PRKN: variants seen among roughly 807,000 people sequenced by gnomAD.
PRKN encodes E3 ubiquitin-protein ligase parkin.
PRKN carries 56 observed loss-of-function variants against 59.5 expected under a neutral mutation model. The ratio of observed to expected loss-of-function variants is 0.94; its 90% CI spans 0.76 to 1.18. The LOEUF is 1.18. Among genes scored for constraint, PRKN ranks in the 50% most tolerant of loss-of-function variants. The pLI is 0.00. For synonymous variants in PRKN, 250 were observed against 222.1 expected, an observed-to-expected ratio of 1.13 and a Z score of -1.12; for missense variants, 657 against 596.4, an observed-to-expected ratio of 1.10 and a Z score of -1.06.
At chr6:162,049,744 TTA>T (rs1297472928) in intron 5 of PRKN, among the ~76,000 whole-genome samples, 24 of 152,176 alleles carry the variant, frequency 1.6e-4, no homozygotes, top group Admixed American at 1.0e-3. Context: ...TAACAGATTT[TTA>T]GAGTTATATT....
chr6:162,480,349 G>A (rs1792244174), intron 1 of PRKN, among the ~76,000 whole-genome samples: 1 of 152,142 alleles, frequency 6.6e-6, no homozygotes, highest in Non-Finnish European at 1.5e-5. Context: ...TAACTGAAAT[G>A]TCATGGGGCA....
chr6:162,715,872 C>T (rs992289159), intron 1 of PRKN, among the ~76,000 whole-genome samples: 3 of 152,200 alleles, frequency 2.0e-5, no homozygotes, highest in African/African-American at 7.2e-5. Context: ...TTCAAACGCG[C>T]TTTCTTTCTT....
chr6:161,761,914 G>A (rs1789218030), intron 7 of PRKN, among the ~76,000 whole-genome samples: 1 of 152,224 alleles, frequency 6.6e-6, no homozygotes, highest in Non-Finnish European at 1.5e-5. Flanking sequence ...ATTCCAGAAT[G>A]GAACAGGACA....
At chr6:162,050,790 G>A (rs1372759502) in intron 5 of PRKN, among the ~76,000 whole-genome samples, 2 of 152,060 alleles carry the variant, frequency 1.3e-5, no homozygotes, top group African/African-American at 2.4e-5. Flanking sequence ...CTTTGAACTC[G>A]AGCCCTCGCT....
intron 7 of PRKN, among the ~76,000 whole-genome samples, chr6:161,570,347 A>T (rs1780842286): frequency 6.8e-6 from 1 of 147,276 alleles, no homozygotes; most frequent in South Asian, 2.1e-4. Context: ...ATATATATTT[A>T]TATATAATAA....
In PRKN at chr6:161,533,799, G is replaced by A. The variant is rs562044466; in HGVS notation, c.1083+15055C>T. 1.3e-5 allele frequency among the ~76,000 whole-genome samples: 2 copies of A among 151,438 alleles called. No individual in the cohort carries two copies. The highest frequency in any genetic ancestry group is 4.8e-5 in the African/African-American group (2 of 41,374). On this transcript the variant is annotated intron_variant, in intron 9 of 11. Transcript: ENST00000366898. The surrounding 1 kb of genome is among the most constrained non-coding windows in gnomAD (Gnocchi z 4.1). The stretch of plus-strand genomic sequence containing the variant: ...ACTTTCCACTCCTTAACCCACCCAC[G>A]TGTCTGTGTACTTAATTTTCTTGGC...
chr6:162,122,317 A>G (rs6940203), intron 4 of PRKN, among the ~76,000 whole-genome samples: 18,491 of 152,232 alleles, frequency 0.12, 1,560 homozygotes, highest in African/African-American at 0.24. Flanking sequence ...AGTGCTCAGC[A>G]TGGAACAGGG....
chr6:162,434,771 C>G (rs1197809231), intron 2 of PRKN, among the ~76,000 whole-genome samples: 1 of 152,126 alleles, frequency 6.6e-6, no homozygotes, highest in Non-Finnish European at 1.5e-5. Context: ...AATGAAGGAG[C>G]ACACATACTC....
chr6:162,185,742 C>T (rs967917050), intron 4 of PRKN, among the ~76,000 whole-genome samples: 5 of 152,064 alleles, frequency 3.3e-5, no homozygotes, highest in African/African-American at 1.2e-4. Flanking sequence ...GATGTGTCAG[C>T]GGCATCCATG....
chr6:162,491,237 T>C (rs1216576580), intron 1 of PRKN, among the ~76,000 whole-genome samples: 3 of 142,144 alleles, frequency 2.1e-5, no homozygotes, highest in East Asian at 2.1e-4. Context: ...ACCACTGCAC[T>C]CCAGCCTGGG....
rs534561474 is a variant in PRKN, at chr6:162,096,147, T to C, written c.535-41973A>G. Among the ~76,000 whole-genome samples the C allele has an allele frequency of 4.0e-5, 6 of 151,660 alleles. No individual in the cohort carries two copies. The South Asian group carries it at 1.3e-3, about 32-fold the overall frequency. On this transcript the variant is annotated intron_variant, in intron 4 of 11. Coordinates refer to ENST00000366898, the MANE Select transcript of PRKN (RefSeq NM_004562.3). ...ATCTACACATGTGTAGATTGTAAGA[T>C]TGGTGCTTCTGGAGCATTAATAACA...
intron 2 of PRKN, among the ~76,000 whole-genome samples, chr6:162,365,501 C>T (rs909105129): frequency 4.6e-5 from 7 of 152,116 alleles, no homozygotes; most frequent in East Asian, 3.9e-4. Flanking sequence ...TGGACTCTTA[C>T]GTGATTTACT....
intron 10 of PRKN, among the ~76,000 whole-genome samples, chr6:161,370,615 G>A (rs1440473093): frequency 4.6e-5 from 5 of 109,018 alleles, no homozygotes; most frequent in South Asian, 2.5e-4. Context: ...AAAAAAAGCC[G>A]AATTAGCGCC....
In PRKN at chr6:161,525,012, A is replaced by G. The variant is rs1202473102; in HGVS notation, c.1083+23842T>C. 6.6e-6 allele frequency among the ~76,000 whole-genome samples: 1 copy of G among 152,156 alleles called. No homozygotes were observed. The highest frequency in any genetic ancestry group is 2.1e-4 in the South Asian group (1 of 4,830). ...TCTTACATCTTTTACACATTTCAAA[A>G]CATCAAATATGTTTGTTGTAGCTTG... On this transcript the variant is annotated intron_variant, in intron 9 of 11. Transcript: ENST00000366898. This position sits in a 1 kb window ranked among gnomAD's most constrained non-coding sequence, Gnocchi z 4.7.
intron 3 of PRKN, among the ~76,000 whole-genome samples, chr6:162,245,746 G>A (rs1779169022): frequency 6.6e-6 from 1 of 152,080 alleles, no homozygotes; most frequent in Non-Finnish European, 1.5e-5. Flanking sequence ...TTTGCTTGGA[G>A]CACAGACTCA....
chr6:161,978,684 C>A (rs1362575117), intron 5 of PRKN, among the ~76,000 whole-genome samples: 1 of 152,270 alleles, frequency 6.6e-6, no homozygotes, highest in Non-Finnish European at 1.5e-5. Flanking sequence ...GGCACCACTG[C>A]ACCACTGTGA....
At chr6:162,179,592 G>C (rs1364884303) in intron 4 of PRKN, among the ~76,000 whole-genome samples, 1 of 152,132 alleles carries the variant, frequency 6.6e-6, no homozygotes, top group Non-Finnish European at 1.5e-5. Context: ...TTCTGGAAAA[G>C]GTCTAAAAGT....
chr6:162,227,378 C>CT (rs549010994), intron 3 of PRKN, among the ~76,000 whole-genome samples: 7 of 151,760 alleles, frequency 4.6e-5, no homozygotes, highest in Middle Eastern at 3.4e-3. Context: ...AATTTAGCTA[C>CT]TTTTTTTTTC....
chr6:162,674,375 A>C (rs1450868967), intron 1 of PRKN, among the ~76,000 whole-genome samples: 1 of 152,114 alleles, frequency 6.6e-6, no homozygotes, highest in African/African-American at 2.4e-5. Context: ...TGGATTACTG[A>C]GGGGTACGGC....
Sources: gnomAD v4.1 joint callset for allele counts (sites outside exome capture counted in the v4.1 genomes callset) on GRCh38, gnomAD v4.1.1 for gene constraint, Gnocchi (gnomAD v3.1) non-coding constraint, MANE v1.5 for transcripts, NCBI Gene and HGNC (gene_info 2026-07-23, HGNC 2026-07-21) for gene names.